The following TAFA5 variants were observed in gnomAD, a reference collection of about 807,000 sequenced individuals.
TAFA5 encodes the protein chemokine-like protein TAFA-5.
TAFA5 carries 6 observed loss-of-function variants against 15.3 expected under a neutral mutation model. The observed-to-expected ratio is 0.39, with a 90% CI of 0.21 to 0.77. The LOEUF (loss-of-function observed/expected upper bound fraction) is 0.77, where lower values mean the gene tolerates loss of function less well. Among genes scored for constraint, TAFA5 ranks in the 30% least tolerant of loss-of-function variants. The pLI, the probability that TAFA5 is intolerant of heterozygous loss-of-function variation, is 0.41. For synonymous variants in TAFA5, 103 were observed against 80.7 expected, an observed-to-expected ratio of 1.28 and a Z score of -1.48; for missense variants, 161 against 193.1, an observed-to-expected ratio of 0.83 and a Z score of 0.98.
chr22:48,645,335 C>G (rs973418706), intron 1 of TAFA5, among the ~76,000 whole-genome samples: 6 of 152,130 alleles, frequency 3.9e-5, no homozygotes, highest in Non-Finnish European at 2.9e-5. Flanking sequence ...GGCCATGCTG[C>G]GTTTTACCAG....
intron 1 of TAFA5, among the ~76,000 whole-genome samples, chr22:48,630,276 CCT>C (rs535481897): frequency 6.6e-6 from 1 of 152,138 alleles, no homozygotes; most frequent in South Asian, 2.1e-4. Flanking sequence ...TGACGTGTCC[CCT>C]GTTTGCCCCA....
chr22:48,736,658 A>T (rs966830346), intron 3 of TAFA5, among the ~76,000 whole-genome samples: 16 of 152,252 alleles, frequency 1.1e-4, no homozygotes, highest in African/African-American at 3.9e-4. Context: ...TTCAGCCTTA[A>T]AAAGGAATGG....
chr22:48,541,239 A>C (rs1366373842), intron 1 of TAFA5, among the ~76,000 whole-genome samples: 1 of 151,648 alleles, frequency 6.6e-6, no homozygotes, highest in East Asian at 1.9e-4. Context: ...GCACTTGTGC[A>C]GGGACCTGGA....
At chr22:48,492,894 T>C (rs1298657346) in intron 1 of TAFA5, among the ~76,000 whole-genome samples, 2 of 152,196 alleles carry the variant, frequency 1.3e-5, no homozygotes, top group Admixed American at 6.5e-5. Flanking sequence ...AAAGAGTTGA[T>C]ATAGGTTGTT....
At chr22:48,724,156 T>C (rs901479894) in intron 3 of TAFA5, among the ~76,000 whole-genome samples, 4 of 125,222 alleles carry the variant, frequency 3.2e-5, no homozygotes, top group Admixed American at 7.7e-5. Flanking sequence ...TCTCGTTGCA[T>C]TGCTGCAAGC....
chr22:48,521,237 T>A (rs1021690486), intron 1 of TAFA5, among the ~76,000 whole-genome samples: 4 of 152,096 alleles, frequency 2.6e-5, no homozygotes, highest in African/African-American at 9.7e-5. Flanking sequence ...TGGGCACTTT[T>A]AAAAAATAAA....
At chr22:48,723,109 C>T (rs1053000923) in intron 3 of TAFA5, among the ~76,000 whole-genome samples, 2 of 152,188 alleles carry the variant, frequency 1.3e-5, no homozygotes, top group African/African-American at 4.8e-5. Flanking sequence ...GTCACAGCAC[C>T]TGTGTGTGCC....
chr22:48,506,989 T>A (rs1921013990), intron 1 of TAFA5, among the ~76,000 whole-genome samples: 1 of 151,792 alleles, frequency 6.6e-6, no homozygotes, highest in Non-Finnish European at 1.5e-5. Context: ...GGGCACCGAG[T>A]GGCATGGGGA....
At chr22:48,722,723 A>G (rs77087614) in intron 3 of TAFA5, among the ~76,000 whole-genome samples, 3,539 of 152,344 alleles carry the variant, frequency 0.023, 49 homozygotes, top group Middle Eastern at 0.044. Context: ...ATTGAAAAAG[A>G]AAGTAAGATC....
At chr22:48,583,775 T>C (rs2147149727) in intron 1 of TAFA5, among the ~76,000 whole-genome samples, 1 of 25,112 alleles carries the variant, frequency 4.0e-5, no homozygotes, top group Non-Finnish European at 8.1e-5. Context: ...ACAGAAAATA[T>C]ACCATGCAAA....
intron 3 of TAFA5, among the ~76,000 whole-genome samples, chr22:48,723,495 A>T (rs1451828325): frequency 6.6e-6 from 1 of 152,032 alleles, no homozygotes; most frequent in Admixed American, 6.5e-5. Flanking sequence ...ACTGGAATAT[A>T]AATCTCAGGC....
At chr22:48,558,330 C>T (rs1395181224) in intron 1 of TAFA5, among the ~76,000 whole-genome samples, 1 of 152,240 alleles carries the variant, frequency 6.6e-6, no homozygotes, top group Non-Finnish European at 1.5e-5. Flanking sequence ...TAAAGTCTAG[C>T]ATTTTACACA....
intron 2 of TAFA5, among the ~76,000 whole-genome samples, chr22:48,682,720 A>G (rs1044704098): frequency 6.6e-6 from 1 of 152,176 alleles, no homozygotes; most frequent in Non-Finnish European, 1.5e-5. Flanking sequence ...ACCCAGAAGC[A>G]CAGTCATTGT....
intron 1 of TAFA5, among the ~76,000 whole-genome samples, chr22:48,523,281 G>A (rs1288666946): frequency 1.3e-5 from 2 of 152,226 alleles, no homozygotes; most frequent in Non-Finnish European, 2.9e-5. Context: ...CTGGTGGGCC[G>A]GCGGGCAGCC....
chr22:48,712,810 G>A (rs558226637), intron 3 of TAFA5, among the ~76,000 whole-genome samples: 1 of 152,354 alleles, frequency 6.6e-6, no homozygotes, highest in Admixed American at 6.5e-5. Flanking sequence ...CCATTCCTGT[G>A]CTCTGCCTCT....
intron 1 of TAFA5, among the ~76,000 whole-genome samples, chr22:48,629,450 T>C (rs1239118125): frequency 2.6e-5 from 4 of 152,204 alleles, no homozygotes; most frequent in African/African-American, 9.6e-5. Flanking sequence ...AGTCCACAGC[T>C]CCCTGGGCCC....
chr22:48,503,415 G>A (rs1189405973), intron 1 of TAFA5, among the ~76,000 whole-genome samples: 1 of 152,224 alleles, frequency 6.6e-6, no homozygotes, highest in Non-Finnish European at 1.5e-5. Context: ...CCTTGCCAGA[G>A]CAGATGTGGA....
chr22:48,642,633 G>C (rs1049013420), intron 1 of TAFA5, among the ~76,000 whole-genome samples: 7 of 152,174 alleles, frequency 4.6e-5, no homozygotes, highest in African/African-American at 1.4e-4. Context: ...GTGTGTGGGA[G>C]TGTACATGCC....
chr22:48,666,503 ATGACCAGGCGTTACTGAGGCCCG>A (rs1927615228), intron 2 of TAFA5, among the ~76,000 whole-genome samples: 2 of 149,620 alleles, frequency 1.3e-5, no homozygotes, highest in Non-Finnish European at 1.5e-5. Flanking sequence ...ACTGAGGCCC[ATGACCAGGCGTTACTGAGGCCCG>A]TGACCAGGCA....
Sources: allele counts gnomAD v4.1 joint callset (sites outside exome capture counted in the v4.1 genomes callset), GRCh38; gene constraint gnomAD v4.1.1; transcripts MANE v1.5; gene names NCBI Gene and HGNC (gene_info 2026-07-23, HGNC 2026-07-21).